MMEL1: variants seen among roughly 807,000 people sequenced by gnomAD.
MMEL1 encodes membrane metallo-endopeptidase-like 1.
MMEL1 carries 98 observed loss-of-function variants against 117.1 expected under a neutral mutation model. That is an observed-to-expected ratio of 0.84 (90% CI 0.71 to 0.99). The LOEUF is 0.99. MMEL1 is among the 50% of genes least tolerant of loss of function. The pLI, the probability that MMEL1 is intolerant of heterozygous loss-of-function variation, is 0.00. For missense variants in MMEL1, 1,014 were observed against 1,049.1 expected, an observed-to-expected ratio of 0.97 and a Z score of 0.46; for synonymous variants, 390 against 415.1, an observed-to-expected ratio of 0.94 and a Z score of 0.74.
intron 2 of MMEL1, among the ~76,000 whole-genome samples, chr1:2,628,479 C>T (rs1282550026): frequency 2.0e-5 from 3 of 152,224 alleles, no homozygotes; most frequent in Non-Finnish European, 4.4e-5. Flanking sequence ...GCTCTGAGTC[C>T]GGTGCCTGCC....
chr1:2,624,726 T>C (rs1405299462), intron 2 of MMEL1, among the ~76,000 whole-genome samples: 1 of 152,214 alleles, frequency 6.6e-6, no homozygotes, highest in Non-Finnish European at 1.5e-5. Context: ...CAAATGCTAT[T>C]GATCTCAGTC....
chr1:2,602,580 C>T (rs1416473406), intron 11 of MMEL1, among the ~76,000 whole-genome samples: 1 of 152,224 alleles, frequency 6.6e-6, no homozygotes, highest in Non-Finnish European at 1.5e-5. Context: ...GGCTTCTCTG[C>T]CACCTGCCCC....
chr1:2,601,801 G>A (rs1427581281), intron 11 of MMEL1, among the ~76,000 whole-genome samples: 3 of 152,224 alleles, frequency 2.0e-5, no homozygotes, highest in Admixed American at 2.0e-4. Flanking sequence ...AGGAGATGGC[G>A]TTTAACCTCC....
At chr1:2,603,256 A>T (rs1488031552) in intron 11 of MMEL1, among the ~76,000 whole-genome samples, 1 of 152,044 alleles carries the variant, frequency 6.6e-6, no homozygotes, top group African/African-American at 2.4e-5. Context: ...CCCCCCACTG[A>T]CTTGGGCACC....
At chr1:2,616,059 G>A (rs1326762409) in intron 2 of MMEL1, among the ~76,000 whole-genome samples, 3 of 152,198 alleles carry the variant, frequency 2.0e-5, no homozygotes, top group Non-Finnish European at 4.4e-5. Flanking sequence ...CAGTGGGGCT[G>A]GGCATGGTGG....
intron 1 of MMEL1, among the ~76,000 whole-genome samples, chr1:2,630,697 G>T (rs563921809): frequency 4.7e-4 from 68 of 145,026 alleles, no homozygotes; most frequent in Admixed American, 8.7e-4. Context: ...GTGTACACTC[G>T]TGTGTGCACG....
rs1644841449 is a variant in MMEL1, at chr1:2,596,464, C to T, written c.1401+97G>A. ...TCTGTCTGGTGAGCTGGGGCAGGTGCCCCTGAGCCTGGGCGGGGTGGGAGT... is the reference window on the plus strand; with the variant it reads ...TCTGTCTGGTGAGCTGGGGCAGGTGTCCCTGAGCCTGGGCGGGGTGGGAGT... On this transcript the variant is annotated intron_variant, in intron 14 of 23. Transcript: ENST00000378412. The T allele has an allele frequency of 4.1e-6, 6 of 1,477,244 alleles. No individual in the cohort carries two copies. The Admixed American group carries it at 9.8e-5, about 24-fold the overall frequency. The allele number at this position is 1,477,244 out of a possible 1,614,324, so 91.5% of individuals were successfully genotyped here.
At position 2,594,425 on chromosome 1, in the gene MMEL1, C is replaced by G. The variant is rs566528467; in HGVS notation, c.1707G>C (p.Ala569=). The change falls in exon 18 of 24, where the codon GCG becomes GCC. Residue 569 remains alanine (A), a synonymous_variant. Coordinates refer to ENST00000378412, the MANE Select transcript of MMEL1 (RefSeq NM_033467.4). ...VDPNLWIIGA[A]VVNAFYSPNR... Reference sequence around the variant, plus strand: ...TTGGGGAGTAGAACGCATTGACCACCGCCGCCCCGATGATCCAGCTGTGAT... The same window carrying G: ...TTGGGGAGTAGAACGCATTGACCACGGCCGCCCCGATGATCCAGCTGTGAT... 6.4e-7 allele frequency: 1 copy of G among 1,551,594 alleles called. No homozygotes were observed. Among genetic ancestry groups the G allele is most frequent in the Non-Finnish European group, 8.7e-7 (1 of 1,146,954 alleles).
intron 2 of MMEL1, among the ~76,000 whole-genome samples, chr1:2,628,182 C>T (rs1401928692): frequency 6.6e-6 from 1 of 152,226 alleles, no homozygotes; most frequent in Admixed American, 6.5e-5. Context: ...CCACTGCCCA[C>T]CGCCCATGGA....
chr1:2,609,750 C>A lies in MMEL1; in HGVS notation c.374G>T (p.Arg125Leu). 6.2e-7 allele frequency: 1 copy of A among 1,613,800 alleles called. No individual in the cohort carries two copies. The highest frequency in any genetic ancestry group is 2.2e-5 in the East Asian group (1 of 44,882). The part of the protein sequence containing the change: ...FYQFACGGWL[R>L]RHVIPETNSR... ...GTTGGTCTCAGGGATCACGTGGCGC[C>A]GCAGCCAGCCTCCGCATGCAAACTG... The change falls in exon 5 of 24, where the codon CGG becomes CTG. Residue 125 changes from arginine to leucine, a missense_variant. Coordinates refer to ENST00000378412, the MANE Select transcript of MMEL1 (RefSeq NM_033467.4).
In MMEL1 at chr1:2,612,188, G is replaced by T. The variant is rs757838833; in HGVS notation, c.171C>A (p.Arg57=). 15 of 1,574,236 alleles carry T rather than the reference G, an allele frequency of 9.5e-6. No homozygotes were observed. Among genetic ancestry groups the T allele is most frequent in the South Asian group, 7.0e-5 (6 of 86,140 alleles). ...GTAAGAAGCACAGCCGGCTAGCAAG[G>T]CGTGGCAGCTGCTTCCCTGGGGAGA... is the stretch of plus-strand genomic sequence containing the variant. ...YADRRGKQLP[R]LASRLCFLQE... Residue 57 remains arginine (R), a synonymous_variant, in exon 3 of 24, where the codon CGC becomes CGA. Coordinates refer to ENST00000378412, the MANE Select transcript of MMEL1 (RefSeq NM_033467.4). The surrounding 1 kb of genome is among the most constrained non-coding windows in gnomAD (Gnocchi z 5.4).
Position 2,612,260 on chromosome 1 carries a change from G to C in MMEL1, c.155-56C>G. The C allele has an allele frequency of 6.8e-7, 1 of 1,463,804 alleles. No individual in the cohort carries two copies. 90.7% of individuals were successfully genotyped at this position (1,463,804 alleles called of 1,614,324 possible). A position where few individuals can be genotyped will look rare whatever the true frequency, so the allele number is the denominator to read the frequency against. On this transcript the variant is annotated intron_variant, in intron 2 of 23. Transcript: ENST00000378412. This position sits in a 1 kb window ranked among gnomAD's most constrained non-coding sequence, Gnocchi z 5.4. ...CTCCTGCCTGCAGCTCCCTGGGGGT[G>C]CTGGGGGCCTCCCTGGGTCAGCACG...
chr1:2,614,498 G>T (rs1394169626), intron 2 of MMEL1, among the ~76,000 whole-genome samples: 2 of 152,200 alleles, frequency 1.3e-5, no homozygotes, highest in Non-Finnish European at 2.9e-5. Flanking sequence ...AGGAAAGGAG[G>T]AAGTCAGAAT....
chr1:2,604,297 C>T lies in MMEL1; in HGVS notation c.817-16G>A. 1 of 1,611,436 alleles carries T rather than the reference C, an allele frequency of 6.2e-7. No homozygotes were observed. Among genetic ancestry groups the T allele is most frequent in the Non-Finnish European group, 8.5e-7 (1 of 1,179,242 alleles). On this transcript the variant is annotated splice_polypyrimidine_tract_variant and intron_variant, in intron 9 of 23. Transcript: ENST00000378412. ...CTTCCCGCACCTGGGCCAAAGGACG[C>T]CGGGCAGAGCTGGGTGGCCTCAGCC...
chr1:2,610,866 C>G (rs1645114372), intron 4 of MMEL1, among the ~76,000 whole-genome samples: 1 of 152,252 alleles, frequency 6.6e-6, no homozygotes, highest in South Asian at 2.1e-4. Context: ...TCCAGAGCTT[C>G]TCCACTATTG....
At chr1:2,605,399 A>C (rs1042345137) in intron 9 of MMEL1, among the ~76,000 whole-genome samples, 159 bp downstream of exon 9, 7 of 152,062 alleles carry the variant, frequency 4.6e-5, no homozygotes, top group Admixed American at 3.3e-4. Context: ...GCAATAGGTC[A>C]CGTCTGCACC....
intron 18 of MMEL1, 78 bp downstream of exon 18, chr1:2,594,307 A>T: frequency 7.0e-7 from 1 of 1,426,108 alleles, no homozygotes; most frequent in South Asian, 1.2e-5. Context: ...GGAGGAAGGG[A>T]TGGGCAGGGG....
At chr1:2,598,094 G>C in intron 13 of MMEL1, 113 bp downstream of exon 13, 3 of 1,025,850 alleles carry the variant, frequency 2.9e-6, no homozygotes, top group Admixed American at 1.8e-5. Flanking sequence ...GCCCTGCCTC[G>C]TCCATGGCTG....
chr1:2,609,259 C>T (rs1645085928), intron 6 of MMEL1, 80 bp downstream of exon 6: 2 of 1,417,938 alleles, frequency 1.4e-6, no homozygotes, highest in African/African-American at 1.4e-5. Flanking sequence ...GCCATGGGGT[C>T]CTGGGGCTGC....
Sources: allele counts gnomAD v4.1 joint callset (sites outside exome capture counted in the v4.1 genomes callset), GRCh38; gene constraint gnomAD v4.1.1; non-coding constraint Gnocchi (gnomAD v3.1); transcripts MANE v1.5; gene names NCBI Gene and HGNC (gene_info 2026-07-23, HGNC 2026-07-21).